KIAA0513: variants seen among roughly 807,000 people sequenced by gnomAD.
KIAA0513 encodes uncharacterized protein KIAA0513.
Under a neutral mutation model 56.5 loss-of-function variants are expected in KIAA0513, and 39 were observed. That is an observed-to-expected ratio of 0.69 (90% CI 0.53 to 0.90). The LOEUF is 0.90. Ranked by LOEUF, KIAA0513 falls within the 40% of genes least tolerant of loss-of-function variation. The probability of loss-of-function intolerance (pLI) is 0.00; values close to 1 mark genes in which losing one functional copy is unlikely to be tolerated. For synonymous variants in KIAA0513, 268 were observed against 215.6 expected (o/e 1.24, Z -2.13); for missense variants, 591 against 535.2 (o/e 1.10, Z -1.03).
intron 10 of KIAA0513, among the ~76,000 whole-genome samples, chr16:85,083,010 A>C (rs969592929): frequency 2.6e-5 from 4 of 152,232 alleles, no homozygotes; most frequent in Non-Finnish European, 2.9e-5. Context: ...TACTGTTCAC[A>C]CTGGAGAAGT....
intron 1 of KIAA0513, among the ~76,000 whole-genome samples, chr16:85,040,529 C>CA (rs2073091700): frequency 6.6e-6 from 1 of 151,510 alleles, no homozygotes; most frequent in African/African-American, 2.4e-5. Context: ...GAATCTGCCT[C>CA]AAAAAAAAGA....
At position 85,045,563 on chromosome 16, in the gene KIAA0513, C is replaced by T. The variant is rs548766887; in HGVS notation, c.-173+17705C>T. The stretch of plus-strand genomic sequence containing the variant: ...TAGAGATGGGGTTTCACTATGTTGG[C>T]CAGACTGGTCTCGAACTCCTGACCT... On this transcript the variant is annotated intron_variant, in intron 1 of 12. Transcript: ENST00000683363. Among the ~76,000 whole-genome samples the T allele has an allele frequency of 2.2e-3, 333 of 152,282 alleles. 2 individuals are homozygous for T. The highest frequency in any genetic ancestry group is 1.6e-3 in the Non-Finnish European group (110 of 68,022).
rs2144117411 is a variant in KIAA0513, at chr16:85,088,773, C to G, written c.*448C>G. 1 of 172,922 alleles carries G rather than the reference C, an allele frequency of 5.8e-6. No individual in the cohort carries two copies. Among genetic ancestry groups the G allele is most frequent in the South Asian group, 1.5e-4 (1 of 6,852 alleles). The allele number at this position is 172,922 out of a possible 1,614,324, so 10.7% of individuals were successfully genotyped here. On this transcript the variant is annotated 3_prime_UTR_variant, in exon 13 of 13. Coordinates refer to ENST00000683363, the MANE Select transcript of KIAA0513 (RefSeq NM_001388359.1). The stretch of plus-strand genomic sequence containing the variant: ...CTCACGGTGGGTGGCCGTGGGCCAC[C>G]TTCCCTGCAATGGGTGCACACGCGG...
rs1055738160 is a variant in KIAA0513, at chr16:85,077,646, T to G, written c.782+14T>G. On this transcript the variant is annotated intron_variant, in intron 6 of 12. Coordinates refer to ENST00000683363, the MANE Select transcript of KIAA0513 (RefSeq NM_001388359.1). ...CAGGAGGAACGAGTACGTGTGGCCT[T>G]GGGGTCCCTCCCACCTGCAGGGGAC... is the stretch of plus-strand genomic sequence containing the variant. 5.0e-6 allele frequency: 8 copies of G among 1,586,850 alleles called. No homozygotes were observed. The highest frequency in any genetic ancestry group is 6.9e-6 in the Non-Finnish European group (8 of 1,162,824).
chr16:85,086,692 G>A lies in KIAA0513; in HGVS notation c.1059G>A (p.Arg353=). The change falls in exon 11 of 13, where the codon CGG becomes CGA. Residue 353 remains arginine (R), a synonymous_variant. Transcript: ENST00000683363. ...MTQEERDDSL[R]FNENITFGQL... ...AGGAGGAGCGCGACGACAGCCTCCG[G>A]TTCAACGAGAACATCACCTTCGGGC... 2 of 1,613,948 alleles carry A rather than the reference G, an allele frequency of 1.2e-6. No individual in the cohort carries two copies. The highest frequency in any genetic ancestry group is 1.1e-5 in the South Asian group (1 of 91,072).
chr16:85,052,244 C>T (rs1029408520), intron 1 of KIAA0513, among the ~76,000 whole-genome samples: 1 of 152,054 alleles, frequency 6.6e-6, no homozygotes, highest in East Asian at 1.9e-4. Context: ...CGCTTGAACC[C>T]TGGAGGTGGA....
intron 1 of KIAA0513, among the ~76,000 whole-genome samples, chr16:85,033,345 T>C (rs1046335381): frequency 1.3e-5 from 2 of 152,186 alleles, no homozygotes; most frequent in South Asian, 2.1e-4. Flanking sequence ...CAGGTCAGGA[T>C]GCAGGGTTTC....
chr16:85,079,817 A>G (rs1433635617), intron 8 of KIAA0513: 1 of 152,232 alleles, frequency 6.6e-6, no homozygotes, highest in Non-Finnish European at 1.5e-5. Flanking sequence ...GCTCTTACAT[A>G]TATATACGTG....
rs886539155 is a variant in KIAA0513, at chr16:85,093,961, C to T, written c.*5636C>T. On this transcript the variant is annotated 3_prime_UTR_variant, in exon 13 of 13. Transcript: ENST00000683363. ...CCCTCTGCTTTCTCTTTCCTAGACT[C>T]GCGGTGCTCACATCCAGACATTACC... 5 of 152,196 alleles carry T rather than the reference C, an allele frequency of 3.3e-5. No individual in the cohort carries two copies. The highest frequency in any genetic ancestry group is 5.9e-5 in the Non-Finnish European group (4 of 68,044). The allele number at this position is 152,196 out of a possible 1,614,324, so 9.4% of individuals were successfully genotyped here.
At chr16:85,080,539 A>G (rs1480798168) in intron 8 of KIAA0513, among the ~76,000 whole-genome samples, 1 of 152,202 alleles carries the variant, frequency 6.6e-6, no homozygotes, top group South Asian at 2.1e-4. Context: ...CATGCCTGCA[A>G]TCCCAGCACT....
At chr16:85,041,324 G>C (rs1260416590) in intron 1 of KIAA0513, among the ~76,000 whole-genome samples, 1 of 152,184 alleles carries the variant, frequency 6.6e-6, no homozygotes, top group African/African-American at 2.4e-5. Flanking sequence ...ATGACTGACA[G>C]GCTCAGGCTT....
chr16:85,068,178 A>G (rs1046040445), intron 2 of KIAA0513, among the ~76,000 whole-genome samples: 13 of 149,570 alleles, frequency 8.7e-5, no homozygotes, highest in Non-Finnish European at 7.4e-5. Flanking sequence ...TTTTTTTGAG[A>G]AGGAGTCTCA....
In KIAA0513 at chr16:85,090,622, T is replaced by G. The variant is rs538131278; in HGVS notation, c.*2297T>G. 6.6e-6 allele frequency: 1 copy of G among 152,468 alleles called. No individual in the cohort carries two copies. The highest frequency in any genetic ancestry group is 2.1e-4 in the South Asian group (1 of 4,824). 9.4% of individuals were successfully genotyped at this position (152,468 alleles called of 1,614,324 possible). ...AGGGTTGGGGTTTTCTTTGTTTGTT[T>G]GTTTGTTTCCCCCTTTACTACCTGT... On this transcript the variant is annotated 3_prime_UTR_variant, in exon 13 of 13. Transcript: ENST00000683363.
intron 11 of KIAA0513, 136 bp downstream of exon 11, chr16:85,086,860 G>A: frequency 1.1e-6 from 1 of 898,828 alleles, no homozygotes; most frequent in Non-Finnish European, 1.7e-6. Context: ...TGGCCTCCAT[G>A]CCAGCTCATA....
At chr16:85,073,076 G>A in intron 4 of KIAA0513, 78 bp downstream of exon 4, 1 of 1,201,550 alleles carries the variant, frequency 8.3e-7, no homozygotes, top group South Asian at 1.2e-5. Flanking sequence ...ACCCAGCCGT[G>A]TCATAACCCA....
chr16:85,084,429 CTTT>C (rs34048494), intron 10 of KIAA0513, among the ~76,000 whole-genome samples: 7 of 53,980 alleles, frequency 1.3e-4, no homozygotes, highest in Non-Finnish European at 1.1e-4. Flanking sequence ...TTTTCGTTCT[CTTT>C]TTTTTTTTTT....
At position 85,087,055 on chromosome 16, in the gene KIAA0513, TG is replaced by T; in HGVS notation, c.1092-13del. 1 of 1,612,764 alleles carries T rather than the reference TG, an allele frequency of 6.2e-7. No homozygotes were observed. The highest frequency in any genetic ancestry group is 8.5e-7 in the Non-Finnish European group (1 of 1,178,816). ...CTGGGAGGCCAGCGGGTGACGCTCTTGGGGTTTCTCCTGCAGCACATTCACG... is the reference window on the plus strand; with the variant it reads ...CTGGGAGGCCAGCGGGTGACGCTCTTGGGTTTCTCCTGCAGCACATTCACG... On this transcript the variant is annotated splice_polypyrimidine_tract_variant and intron_variant, in intron 11 of 12. Transcript: ENST00000683363.
chr16:85,060,953 A>G (rs192931093), intron 1 of KIAA0513, among the ~76,000 whole-genome samples: 15 of 152,196 alleles, frequency 9.9e-5, no homozygotes, highest in African/African-American at 3.4e-4. Flanking sequence ...CAGGAGTTCG[A>G]GACCAACCTG....
intron 1 of KIAA0513, among the ~76,000 whole-genome samples, chr16:85,049,446 C>G (rs373370967): frequency 6.6e-6 from 1 of 152,194 alleles, no homozygotes; most frequent in Non-Finnish European, 1.5e-5. Context: ...AATCTCCTGT[C>G]GAATTGTAAT....
Sources: allele counts gnomAD v4.1 joint callset (sites outside exome capture counted in the v4.1 genomes callset), GRCh38; gene constraint gnomAD v4.1.1; transcripts MANE v1.5; gene names NCBI Gene and HGNC (gene_info 2026-07-23, HGNC 2026-07-21).